Variants in ZC3H12B observed in about 807,000 individuals in gnomAD.
The protein encoded by ZC3H12B is zinc finger CCCH-type containing 12B, also known as probable ribonuclease ZC3H12B.
ZC3H12B carries 7 observed loss-of-function variants against 43.9 expected under a neutral mutation model. The observed-to-expected ratio is 0.16, with a 90% CI of 0.09 to 0.30. The LOEUF is 0.30. ZC3H12B is among the 10% of genes least tolerant of loss of function. The pLI, the probability that ZC3H12B is intolerant of heterozygous loss-of-function variation, is 1.00. For missense variants in ZC3H12B, 475 were observed against 670.2 expected (o/e 0.71, Z 3.22); for synonymous variants, 222 against 241.7 (o/e 0.92, Z 0.76).
chrX:65,250,376 G>T, the ZC3H12B span, among the ~76,000 whole-genome samples: 1 of 111,716 alleles, frequency 9.0e-6, no homozygotes, highest in African/African-American at 3.3e-5. Flanking sequence ...TTGCTATTGT[G>T]AATAGTGCCA....
the ZC3H12B span, among the ~76,000 whole-genome samples, chrX:65,135,494 T>G: frequency 9.1e-6 from 1 of 109,790 alleles, no homozygotes; most frequent in Non-Finnish European, 1.9e-5. Flanking sequence ...TGTCTTAATT[T>G]TCACATGTTT....
the ZC3H12B span, among the ~76,000 whole-genome samples, chrX:65,270,103 G>A: frequency 9.0e-6 from 1 of 110,758 alleles, no homozygotes; most frequent in African/African-American, 3.3e-5. Context: ...ATCTAAGTAG[G>A]AGGCATCATA....
chrX:65,502,331 T>A (rs1256739531), exon 5 of ZC3H12B: 2 of 1,211,572 alleles, frequency 1.7e-6, no homozygotes, highest in Non-Finnish European at 2.2e-6. Flanking sequence ...GGACCATGGC[T>A]ACTATTCAAT....
chrX:65,116,611 A>G, the ZC3H12B span, among the ~76,000 whole-genome samples: 1 of 110,118 alleles, frequency 9.1e-6, no homozygotes, highest in South Asian at 3.9e-4. Context: ...ACATGTGTAC[A>G]ACATGCAGGT....
rs777804076 is a variant in ZC3H12B at position 65,401,169 on chromosome X, G to T, written n.407+2465G>T. ...TTTTAACTCTATACTGCTGAAAGAT[G>T]CACTGAAGAGATAGAAAAAACATTC... On this transcript the variant is annotated intron_variant and non_coding_transcript_variant, in intron 3 of 5. Coordinates refer to the ZC3H12B transcript ENST00000617377. 3.3e-4 allele frequency among the ~76,000 whole-genome samples: 37 copies of T among 110,561 alleles called. No homozygotes were observed. The South Asian group carries it at 0.012, about 36-fold the overall frequency.
intron 3 of ZC3H12B, among the ~76,000 whole-genome samples, chrX:65,430,487 TC>T (rs1297938779): frequency 3.7e-5 from 2 of 53,433 alleles, no homozygotes; most frequent in Admixed American, 2.3e-4. Context: ...ATGCTATCCC[TC>T]CCCCCTCCCC....
chrX:65,438,004 C>T (rs1449535724), intron 3 of ZC3H12B, among the ~76,000 whole-genome samples: 1 of 112,179 alleles, frequency 8.9e-6, no homozygotes, highest in Non-Finnish European at 1.9e-5. Flanking sequence ...TTGTCCTTTC[C>T]CCATTATATG....
chrX:65,136,569 G>C, the ZC3H12B span, among the ~76,000 whole-genome samples: 2 of 111,130 alleles, frequency 1.8e-5, no homozygotes, highest in Non-Finnish European at 3.8e-5. Flanking sequence ...TTTTTGTCCT[G>C]CTAGACTGCC....
upstream of ZC3H12B, among the ~76,000 whole-genome samples, chrX:65,487,047 A>G (rs180941568): frequency 1.8e-5 from 2 of 112,734 alleles, 1 homozygote; most frequent in Non-Finnish European, 3.7e-5. Flanking sequence ...ATTGGTGTCT[A>G]TGTGTTGACT....
chrX:65,206,094 G>A, the ZC3H12B span, among the ~76,000 whole-genome samples: 3 of 112,080 alleles, frequency 2.7e-5, no homozygotes, highest in East Asian at 8.4e-4. Flanking sequence ...GCCAAAAGCA[G>A]TCTACAAATT....
intron 3 of ZC3H12B, among the ~76,000 whole-genome samples, chrX:65,412,127 A>G (rs192738287): frequency 9.0e-6 from 1 of 111,294 alleles, no homozygotes; most frequent in East Asian, 2.8e-4. Flanking sequence ...CCCTTTACCC[A>G]TTAAGCAGTT....
At chrX:65,282,688 TA>T in the ZC3H12B span, among the ~76,000 whole-genome samples, 1 of 111,631 alleles carries the variant, frequency 9.0e-6, no homozygotes, top group Non-Finnish European at 1.9e-5. Context: ...GAGAATGCTA[TA>T]AACACCTCTA....
the ZC3H12B span, among the ~76,000 whole-genome samples, chrX:65,312,639 A>G: frequency 9.0e-6 from 1 of 111,634 alleles, no homozygotes; most frequent in African/African-American, 3.3e-5. Context: ...ACAAAAATTT[A>G]TGTCACAGTT....
At chrX:65,054,669 A>G in the ZC3H12B span, among the ~76,000 whole-genome samples, 3 of 111,818 alleles carry the variant, frequency 2.7e-5, no homozygotes, top group African/African-American at 9.8e-5. Flanking sequence ...TCTGTAAATT[A>G]CCTTGGGCAG....
At chrX:65,314,368 C>G in the ZC3H12B span, among the ~76,000 whole-genome samples, 1 of 111,158 alleles carries the variant, frequency 9.0e-6, no homozygotes, top group Admixed American at 9.5e-5. Flanking sequence ...GAAAATGCTG[C>G]AAAATCAAAG....
the ZC3H12B span, among the ~76,000 whole-genome samples, chrX:65,211,788 A>C: frequency 3.7e-5 from 3 of 80,987 alleles, no homozygotes; most frequent in Admixed American, 1.8e-4. Flanking sequence ...ATATATTATA[A>C]ATATTATGTA....
At chrX:65,311,144 G>T in the ZC3H12B span, among the ~76,000 whole-genome samples, 2 of 111,974 alleles carry the variant, frequency 1.8e-5, no homozygotes, top group African/African-American at 6.5e-5. Flanking sequence ...AAATAGACAA[G>T]TGGGATCTAA....
the ZC3H12B span, among the ~76,000 whole-genome samples, chrX:65,329,675 G>A: frequency 9.0e-6 from 1 of 110,717 alleles, no homozygotes; most frequent in South Asian, 3.7e-4. Flanking sequence ...GGGTTTTTAT[G>A]GTTTAAGGTC....
chrX:65,468,274 C>T (rs1265940583), intron 3 of ZC3H12B, among the ~76,000 whole-genome samples: 4 of 111,146 alleles, frequency 3.6e-5, no homozygotes, highest in Non-Finnish European at 1.9e-5. Flanking sequence ...AAGTATTTGG[C>T]TTCATTTCTG....
Sources: gnomAD v4.1 joint callset for allele counts (sites outside exome capture counted in the v4.1 genomes callset) on GRCh38, gnomAD v4.1.1 for gene constraint, MANE v1.5 for transcripts, NCBI Gene and HGNC (gene_info 2026-07-23, HGNC 2026-07-21) for gene names.